The following LIPI variants were observed in gnomAD, a reference collection of about 807,000 sequenced individuals.
LIPI encodes the protein lipase member I.
A neutral mutation model predicts 50.6 loss-of-function variants in LIPI; 59 were observed. That is an observed-to-expected ratio of 1.16 (90% confidence interval 0.94 to 1.45). The LOEUF is 1.45. LIPI is among the 40% of genes most tolerant of loss of function. LIPI has a pLI of 0.00. For missense variants in LIPI, 586 were observed against 536.3 expected, an observed-to-expected ratio of 1.09 and a Z score of -0.92; for synonymous variants, 203 against 178.2, an observed-to-expected ratio of 1.14 and a Z score of -1.11.
chr21:14,135,730 C>A (rs531529489), intron 9 of LIPI, among the ~76,000 whole-genome samples: 1 of 152,216 alleles, frequency 6.6e-6, no homozygotes, highest in African/African-American at 2.4e-5. Context: ...GCAGTCTAGG[C>A]CTTCAGGACT....
chr21:14,124,471 C>T (rs2016980999), intron 9 of LIPI, among the ~76,000 whole-genome samples: 1 of 152,166 alleles, frequency 6.6e-6, no homozygotes, highest in South Asian at 2.1e-4. Flanking sequence ...CTCAGCGAGC[C>T]TTATCTGTAC....
At chr21:14,135,941 G>A (rs2017482487) in intron 9 of LIPI, among the ~76,000 whole-genome samples, 2 of 152,244 alleles carry the variant, frequency 1.3e-5, no homozygotes, top group East Asian at 3.9e-4. Context: ...AGGTGGGGAG[G>A]ACTTTGTCTT....
chr21:14,202,429 A>G (rs2020088198), intron 1 of LIPI, among the ~76,000 whole-genome samples: 1 of 152,206 alleles, frequency 6.6e-6, no homozygotes, highest in Non-Finnish European at 1.5e-5. Flanking sequence ...CTGACTTCAA[A>G]CTATACTACA....
chr21:14,158,888 A>G (rs1261691228), intron 7 of LIPI, among the ~76,000 whole-genome samples: 2 of 151,250 alleles, frequency 1.3e-5, no homozygotes, highest in African/African-American at 2.4e-5. Context: ...ACACCTTAAA[A>G]AAAAGGACCA....
intron 4 of LIPI, among the ~76,000 whole-genome samples, chr21:14,171,221 C>A (rs1229851817): frequency 6.6e-6 from 1 of 150,522 alleles, no homozygotes; most frequent in Non-Finnish European, 1.5e-5. Flanking sequence ...AAAGAGGATA[C>A]AAACAAATGG....
At position 14,204,024 on chromosome 21, in the gene LIPI, G is replaced by T. The variant is rs2020153338; in HGVS notation, c.46+6776C>A. Among the ~76,000 whole-genome samples the T allele has an allele frequency of 3.9e-5, 6 of 151,914 alleles. 1 individual carries two copies. The South Asian group carries it at 1.2e-3, about 32-fold the overall frequency. On this transcript the variant is annotated intron_variant, in intron 1 of 9. Transcript: ENST00000681601. ...TGCCACATGTTCTCACTTCTAAGTGGGAGCTAAATGCTGAAATCACATGGA... is the reference window on the plus strand; with the variant it reads ...TGCCACATGTTCTCACTTCTAAGTGTGAGCTAAATGCTGAAATCACATGGA...
intron 1 of LIPI, among the ~76,000 whole-genome samples, chr21:14,209,700 A>G (rs945360222): frequency 6.6e-6 from 1 of 152,128 alleles, no homozygotes; most frequent in Non-Finnish European, 1.5e-5. Context: ...CTAAATAAAT[A>G]CTAATCAAAA....
At chr21:14,190,190 C>T (rs1232136697) in intron 1 of LIPI, among the ~76,000 whole-genome samples, 1 of 151,978 alleles carries the variant, frequency 6.6e-6, no homozygotes, top group African/African-American at 2.4e-5. Context: ...TATCTATCTA[C>T]CCTAGAAAGA....
rs34169754 is a variant in LIPI at position 14,141,386 on chromosome 21, G to GT, written c.1295+3236dup. Among the ~76,000 whole-genome samples, 88 of 149,962 alleles carry GT rather than the reference G, an allele frequency of 5.9e-4. 1 individual carries two copies. Among genetic ancestry groups the GT allele is most frequent in the Non-Finnish European group, 1.0e-3 (70 of 67,416 alleles). Reference sequence around the variant, plus strand: ...ATGTTGATACCAAATAACTTTAGTTGTTTTTTTTTTTTTAACTCAGCCAAC... The same window carrying GT: ...ATGTTGATACCAAATAACTTTAGTTGTTTTTTTTTTTTTTAACTCAGCCAAC... On this transcript the variant is annotated intron_variant, in intron 9 of 9. Transcript: ENST00000681601.
At chr21:14,155,731 T>C (rs1202594210) in intron 7 of LIPI, among the ~76,000 whole-genome samples, 1 of 151,898 alleles carries the variant, frequency 6.6e-6, no homozygotes, top group African/African-American at 2.4e-5. Context: ...AAACTGTCCT[T>C]TGAGAATGAA....
chr21:14,172,725 G>A (rs936401571), intron 4 of LIPI, among the ~76,000 whole-genome samples: 1 of 151,888 alleles, frequency 6.6e-6, no homozygotes, highest in African/African-American at 2.4e-5. Flanking sequence ...GTGGGGTGGG[G>A]GAAGGGGGGA....
chr21:14,181,878 A>G lies in LIPI; in HGVS notation c.542-19T>C. The G allele has an allele frequency of 1.4e-6, 2 of 1,405,266 alleles. No individual in the cohort carries two copies. Among genetic ancestry groups the G allele is most frequent in the Non-Finnish European group, 1.0e-6 (1 of 991,424 alleles). The allele number at this position is 1,405,266 out of a possible 1,614,324, so 87.0% of individuals were successfully genotyped here. ...TCAAGACCTGGAAAGCAAGAAAGAA[A>G]TAATCAGTCTCATCAAGTCCACAGA... On this transcript the variant is annotated intron_variant, in intron 3 of 9. Transcript: ENST00000681601.
chr21:14,110,190 C>CAT (rs1464739095), intron 9 of LIPI, among the ~76,000 whole-genome samples: 1 of 151,380 alleles, frequency 6.6e-6, no homozygotes, highest in African/African-American at 2.4e-5. Flanking sequence ...TATTTTAATC[C>CAT]ATATATATTA....
chr21:14,146,190 C>T (rs1458785863), intron 8 of LIPI, among the ~76,000 whole-genome samples: 1 of 151,978 alleles, frequency 6.6e-6, no homozygotes, highest in African/African-American at 2.4e-5. Flanking sequence ...CATGTATCCA[C>T]TGTCATTTAT....
chr21:14,141,115 G>A (rs1022259118), intron 9 of LIPI, among the ~76,000 whole-genome samples: 1 of 152,028 alleles, frequency 6.6e-6, no homozygotes, highest in East Asian at 1.9e-4. Flanking sequence ...CTGGTTTTCA[G>A]TTCATCCTTT....
At chr21:14,202,635 G>A (rs1366384143) in intron 1 of LIPI, among the ~76,000 whole-genome samples, 1 of 152,182 alleles carries the variant, frequency 6.6e-6, no homozygotes, top group Non-Finnish European at 1.5e-5. Context: ...GCCATATGTA[G>A]AAAGCTGAAA....
At chr21:14,184,629 C>A (rs536862359) in intron 3 of LIPI, among the ~76,000 whole-genome samples, 2 of 152,284 alleles carry the variant, frequency 1.3e-5, no homozygotes, top group South Asian at 4.1e-4. Flanking sequence ...TCCTATAAAT[C>A]ATTCTGATAT....
At chr21:14,202,711 A>G (rs1218783237) in intron 1 of LIPI, among the ~76,000 whole-genome samples, 2 of 152,170 alleles carry the variant, frequency 1.3e-5, no homozygotes, top group Admixed American at 6.5e-5. Context: ...TAAATGTTAG[A>G]CCTAAAACCA....
chr21:14,165,141 GT>G, intron 6 of LIPI, 81 bp downstream of exon 6: 1 of 1,098,718 alleles, frequency 9.1e-7, no homozygotes, highest in Middle Eastern at 2.9e-4. Context: ...AGAGTGCACA[GT>G]TTAGCTTCCA....
Sources: allele counts gnomAD v4.1 joint callset (sites outside exome capture counted in the v4.1 genomes callset), GRCh38; gene constraint gnomAD v4.1.1; transcripts MANE v1.5; gene names NCBI Gene and HGNC (gene_info 2026-07-23, HGNC 2026-07-21).